Variants in STXBP2 observed in about 807,000 individuals in gnomAD.
STXBP2 encodes syntaxin-binding protein 2.
In STXBP2, 47 loss-of-function variants were observed where a neutral mutation model predicts 72.2. The ratio of observed to expected loss-of-function variants is 0.65; its 90% confidence interval spans 0.51 to 0.83. The LOEUF is 0.83. Among genes scored for constraint, STXBP2 ranks in the 40% least tolerant of loss-of-function variants. The probability of loss-of-function intolerance (pLI) is 0.00; values close to 1 mark genes in which losing one functional copy is unlikely to be tolerated. For missense variants in STXBP2, 702 were observed against 807.6 expected (o/e 0.87, Z 1.58); for synonymous variants, 367 against 338.7 (o/e 1.08, Z -0.92).
Position 7,642,966 on chromosome 19 carries a change from T to C in STXBP2, c.961-17T>C. On this transcript the variant is annotated splice_polypyrimidine_tract_variant and intron_variant, in intron 11 of 18. Transcript: ENST00000221283. This position sits in a 1 kb window ranked among gnomAD's most constrained non-coding sequence, Gnocchi z 6.0. ...CTTCGCCCCCCAATCCCTACCCTCT[T>C]CCCCCTACTTCCCCAGGCGAACATC... 6.2e-7 allele frequency: 1 copy of C among 1,613,694 alleles called. No homozygotes were observed. Among genetic ancestry groups the C allele is most frequent in the Non-Finnish European group, 8.5e-7 (1 of 1,179,894 alleles).
At chr19:7,636,229 C>T (rs2031527722), upstream of STXBP2, 1 of 152,146 alleles carries the variant, frequency 6.6e-6, no homozygotes, top group African/African-American at 2.4e-5. Flanking sequence ...GCGAAGGAAC[C>T]AGCTCAGACC....
At chr19:7,639,922 CCATGTGTATGTGTG>C in intron 4 of STXBP2, 115 bp downstream of exon 4, 1 of 1,150,160 alleles carries the variant, frequency 8.7e-7, no homozygotes. Context: ...GTGCATGTGT[CCATGTGTATGTGTG>C]TGCATGTGTG....
intron 3 of STXBP2, 70 bp downstream of exon 3, chr19:7,639,170 G>T: frequency 6.6e-7 from 1 of 1,526,412 alleles, no homozygotes; most frequent in Non-Finnish European, 9.0e-7. Context: ...CTCTCCCAGG[G>T]TTCAGCCCTT....
the STXBP2 span, chr19:7,630,525 G>C: frequency 2.8e-6 from 4 of 1,434,008 alleles, no homozygotes; most frequent in African/African-American, 5.7e-5. Context: ...AGGAGCCTCT[G>C]CACATTGCTT....
Position 7,642,105 on chromosome 19 carries a change from C to G in STXBP2, c.650C>G (p.Pro217Arg), listed in dbSNP as rs1243481529. The G allele has an allele frequency of 2.5e-6, 4 of 1,613,986 alleles. No homozygotes were observed. In the African/African-American group the frequency reaches 5.3e-5, roughly 22 times the overall value. Residue 217 changes from proline (P) to arginine (R), a missense_variant, in exon 8 of 19, where the codon CCC becomes CGC. Coordinates refer to ENST00000221283, the MANE Select transcript of STXBP2 (RefSeq NM_006949.4). The surrounding 1 kb of genome is among the most constrained non-coding windows in gnomAD (Gnocchi z 6.0). ...CTGAACGCCTTCAAGGCAGACACTC[C>G]CAGTCTGGGCGAGGTGAGGGGGCGT... Reference protein sequence around the residue: ...AKLNAFKADTPSLGEGPEKTR... With the variant: ...AKLNAFKADTRSLGEGPEKTR...
chr19:7,632,157 T>G (rs1361455939), upstream of STXBP2: 1 of 670,568 alleles, frequency 1.5e-6, no homozygotes, highest in East Asian at 2.8e-5. The surrounding 1 kb of genome is among the most constrained non-coding windows in gnomAD (Gnocchi z 5.2). Context: ...CCCCAGAACC[T>G]TCAGACTTGG....
chr19:7,637,875 G>A (rs2031620361), intron 1 of STXBP2, among the ~76,000 whole-genome samples: 1 of 152,214 alleles, frequency 6.6e-6, no homozygotes, highest in Non-Finnish European at 1.5e-5. Flanking sequence ...TCTCCTCTAG[G>A]CAGGGCGGTC....
At chr19:7,645,364 C>G in intron 15 of STXBP2, 58 bp downstream of exon 15, 2 of 1,496,532 alleles carry the variant, frequency 1.3e-6, no homozygotes, top group Admixed American at 3.9e-5. Context: ...ACAGCCGGGG[C>G]TCTGCAAGGC....
At position 7,640,722 on chromosome 19, in the gene STXBP2, C is replaced by A; in HGVS notation, c.247-9C>A. 6.2e-7 allele frequency: 1 copy of A among 1,614,192 alleles called. No individual in the cohort carries two copies. Among genetic ancestry groups the A allele is most frequent in the African/African-American group, 1.3e-5 (1 of 75,040 alleles). On this transcript the variant is annotated splice_polypyrimidine_tract_variant and intron_variant, in intron 4 of 18. Transcript: ENST00000221283. ...GGCTCAGGCCCAGAGAGTGATCCACCTTCCCCAGTCGGTTCAGGCCCTGAT... is the reference window on the plus strand; with the variant it reads ...GGCTCAGGCCCAGAGAGTGATCCACATTCCCCAGTCGGTTCAGGCCCTGAT...
At chr19:7,634,552 T>C (rs1236939533), upstream of STXBP2, among the ~76,000 whole-genome samples, 1 of 152,240 alleles carries the variant, frequency 6.6e-6, no homozygotes, top group Non-Finnish European at 1.5e-5. Context: ...TATTTTTATA[T>C]AGAGATGAGG....
Position 7,647,150 on chromosome 19 carries a change from C to T in STXBP2, c.1453-12C>T. On this transcript the variant is annotated splice_polypyrimidine_tract_variant and intron_variant, in intron 16 of 18. Coordinates refer to ENST00000221283, the MANE Select transcript of STXBP2 (RefSeq NM_006949.4). The stretch of plus-strand genomic sequence containing the variant: ...CTGGGGTTCCTCCCCTAACCTGCCT[C>T]TCGGCCGCCAGGACGCCGTGGAGGA... The T allele has an allele frequency of 1.9e-6, 3 of 1,611,236 alleles. No individual in the cohort carries two copies. The highest frequency in any genetic ancestry group is 2.5e-6 in the Non-Finnish European group (3 of 1,179,894).
At position 7,645,273 on chromosome 19, in the gene STXBP2, G is replaced by A. The variant is rs758605357; in HGVS notation, c.1323G>A (p.Leu441=). ...VQAHSSLIRN[L]EQLGGTVTNP... is the part of the protein sequence containing the mutation. ...CGCACAGCAGCCTCATCCGTAACCT[G>A]GAGCAGCTGGGAGGCACTGTCACCA... Residue 441 remains leucine, a synonymous_variant, in exon 15 of 19, where the codon CTG becomes CTA. Transcript: ENST00000221283. 10 of 1,586,652 alleles carry A rather than the reference G, an allele frequency of 6.3e-6. No individual in the cohort carries two copies. Among genetic ancestry groups the A allele is most frequent in the Non-Finnish European group, 8.6e-6 (10 of 1,165,416 alleles).
upstream of STXBP2, chr19:7,633,377 G>C (rs774949993): frequency 3.2e-6 from 5 of 1,554,708 alleles, no homozygotes; most frequent in South Asian, 5.9e-5. Context: ...ACCTTGAGCT[G>C]GGGGTGGGGT....
the STXBP2 span, chr19:7,631,535 C>T: frequency 2.1e-4 from 315 of 1,535,796 alleles, 2 homozygotes; most frequent in African/African-American, 3.6e-3. Context: ...AGCTCCTTCG[C>T]GACGCCCAGC....
In STXBP2 at chr19:7,647,407, G is replaced by A. The variant is rs746118454; in HGVS notation, c.1592G>A (p.Gly531Asp). Residue 531 changes from glycine (G) to aspartate (D), a missense_variant, in exon 18 of 19, where the codon GGC (glycine) becomes GAC (aspartate). Physicochemically the swap from Gly to Asp is moderately conservative, Grantham distance 94 (BLOSUM62 -1). Coordinates refer to ENST00000221283, the MANE Select transcript of STXBP2 (RefSeq NM_006949.4). ...KNKAGIEARA[G>D]PRLIVYVMGG... ...AAGGCTGGCATAGAAGCCCGGGCGG[G>A]CCCCCGGCTCATCGTGTATGTCATG... 1 of 1,613,488 alleles carries A rather than the reference G, an allele frequency of 6.2e-7. No individual in the cohort carries two copies. The highest frequency in any genetic ancestry group is 8.5e-7 in the Non-Finnish European group (1 of 1,179,952).
rs1449667133 is a variant in STXBP2, at chr19:7,642,213, A to T, written c.674A>T (p.Lys225Ile). Residue 225 changes from lysine to isoleucine, a missense_variant, in exon 9 of 19, where the codon AAA becomes ATA. Lys to Ile is a moderately radical substitution (Grantham distance 102). Transcript: ENST00000221283. The surrounding 1 kb of genome is among the most constrained non-coding windows in gnomAD (Gnocchi z 6.0). ...DTPSLGEGPE[K>I]TRSQLLIMDR... is the part of the protein sequence containing the mutation. ...TAAACCCCACCCCAGGGCCCAGAGA[A>T]AACCCGCTCCCAGCTGCTGATAATG... 6.2e-7 allele frequency: 1 copy of T among 1,614,130 alleles called. No homozygotes were observed.
rs778223113 is a variant in STXBP2 at position 7,643,137 on chromosome 19, C to T, written c.1027-28C>T. 8 of 1,613,840 alleles carry T rather than the reference C, an allele frequency of 5.0e-6. No individual in the cohort carries two copies. The South Asian group carries it at 7.7e-5, about 16-fold the overall frequency. On this transcript the variant is annotated intron_variant, in intron 12 of 18. Transcript: ENST00000221283. The stretch of plus-strand genomic sequence containing the variant: ...TCTGCCTTGACTCAGCCTTTGTTAT[C>T]CCCCAACCCCCACCCTGCACCCTGC...
chr19:7,646,167 A>G, intron 15 of STXBP2, 82 bp from the exon 16 acceptor site: 1 of 1,206,824 alleles, frequency 8.3e-7, no homozygotes, highest in Non-Finnish European at 1.2e-6. Flanking sequence ...CCCCCACCCT[A>G]CCAGCCACAC....
chr19:7,637,285 TGGG>T (rs1599386450), intron 1 of STXBP2, 99 bp downstream of exon 1: 3 of 768,764 alleles, frequency 3.9e-6, no homozygotes, highest in East Asian at 1.3e-4. Flanking sequence ...GGCTGGGAGT[TGGG>T]GGCCGGGCTG....
Sources: gnomAD v4.1 joint callset for allele counts (sites outside exome capture counted in the v4.1 genomes callset) on GRCh38, gnomAD v4.1.1 for gene constraint, Gnocchi (gnomAD v3.1) non-coding constraint, MANE v1.5 for transcripts, NCBI Gene and HGNC (gene_info 2026-07-23, HGNC 2026-07-21) for gene names.